PARD6G: variants seen among roughly 807,000 people sequenced by gnomAD.
PARD6G encodes the protein par-6 family cell polarity regulator gamma, also known as partitioning defective 6 homolog gamma.
PARD6G carries 7 observed loss-of-function variants against 10.7 expected under a neutral mutation model. The observed-to-expected ratio is 0.66, with a 90% CI of 0.37 to 1.23. PARD6G has a LOEUF of 1.23. Ranked by LOEUF, PARD6G falls within the 50% of genes most tolerant of loss-of-function variation. The pLI is 0.02. For missense variants in PARD6G, 548 were observed against 571.8 expected (o/e 0.96, Z 0.42); for synonymous variants, 287 against 269.4 (o/e 1.07, Z -0.64).
rs1227079883 is a variant in PARD6G at position 80,228,845 on chromosome 18, A to G, written c.72+18432T>C. ...AGATTCCCACAGGAAATGTTCATCA[A>G]AATACTTATAAGGGTGACAAATGGA... is the stretch of plus-strand genomic sequence containing the variant. On this transcript the variant is annotated intron_variant, in intron 1 of 2. Transcript: ENST00000353265. This position sits in a 1 kb window ranked among gnomAD's most constrained non-coding sequence, Gnocchi z 4.6. 1.3e-5 allele frequency among the ~76,000 whole-genome samples: 2 copies of G among 152,260 alleles called. No homozygotes were observed. The highest frequency in any genetic ancestry group is 2.4e-5 in the African/African-American group (1 of 41,468).
At chr18:80,169,720 G>A (rs1397318689) in intron 2 of PARD6G, 3 of 152,160 alleles carry the variant, frequency 2.0e-5, no homozygotes, top group Non-Finnish European at 4.4e-5. Context: ...TCAATGACTC[G>A]GTTTTAGGTC....
rs1307713146 is a variant in PARD6G, at chr18:80,228,025, G to T, written c.72+19252C>A. Among the ~76,000 whole-genome samples the T allele has an allele frequency of 6.6e-6, 1 of 152,144 alleles. No homozygotes were observed. Among genetic ancestry groups the T allele is most frequent in the Admixed American group, 6.5e-5 (1 of 15,284 alleles). On this transcript the variant is annotated intron_variant, in intron 1 of 2. Coordinates refer to ENST00000353265, the MANE Select transcript of PARD6G (RefSeq NM_032510.4). The surrounding 1 kb of genome is among the most constrained non-coding windows in gnomAD (Gnocchi z 4.6). Reference sequence around the variant, plus strand: ...CATTGAACCCGTATTTTCCTGTGCTGGGCTGAACGGTGAAAGAAAAATATG... The same window carrying T: ...CATTGAACCCGTATTTTCCTGTGCTTGGCTGAACGGTGAAAGAAAAATATG...
chr18:80,233,559 G>A (rs531342974), intron 1 of PARD6G, among the ~76,000 whole-genome samples: 1 of 152,210 alleles, frequency 6.6e-6, no homozygotes, highest in South Asian at 2.1e-4. Context: ...AGGACTGTGG[G>A]TGGAAAGCCA....
chr18:80,228,195 C>T lies in PARD6G; in HGVS notation c.72+19082G>A, dbSNP rs1279483353. ...GCCTCTGAGCACAGCTGGAAAAGGG[C>T]CCGACCTGGTGCTCAGGAAGTCACA... is the stretch of plus-strand genomic sequence containing the variant. On this transcript the variant is annotated intron_variant, in intron 1 of 2. Transcript: ENST00000353265. The surrounding 1 kb of genome is among the most constrained non-coding windows in gnomAD (Gnocchi z 4.6). Among the ~76,000 whole-genome samples, 1 of 152,124 alleles carries T rather than the reference C, an allele frequency of 6.6e-6. No homozygotes were observed. Among genetic ancestry groups the T allele is most frequent in the Non-Finnish European group, 1.5e-5 (1 of 68,020 alleles).
At chr18:80,226,151 GTTTTTTTTTTTTTT>G (rs10606939) in intron 1 of PARD6G, among the ~76,000 whole-genome samples, 8 of 76,572 alleles carry the variant, frequency 1.0e-4, no homozygotes, top group Non-Finnish European at 1.7e-4. Flanking sequence ...AATGACTTCA[GTTTTTTTTTTTTTT>G]TTTTTTTTTT....
rs1415935659 is a variant in PARD6G, at chr18:80,159,973, G to A, written c.929C>T (p.Ala310Val). The A allele has an allele frequency of 4.0e-6, 6 of 1,500,532 alleles. No individual in the cohort carries two copies. The East Asian group carries it at 1.4e-4, about 36-fold the overall frequency. 93.0% of individuals were successfully genotyped at this position (1,500,532 alleles called of 1,614,324 possible). ...DVVIEGTLEPARPPQTPGAPA... is the reference protein window; with the variant it reads ...DVVIEGTLEPVRPPQTPGAPA... ...CGCGCCCGGGGTCTGGGGGGGACGT[G>A]CAGGCTCCAGTGTGCCCTCGATGAC... The change falls in exon 3 of 3, where the codon GCA becomes GTA. Residue 310 changes from alanine to valine, a missense_variant. This residue lies in a region of PARD6G where 313 missense variants were observed against 279.9 expected (regional missense o/e 1.12). Transcript: ENST00000353265.
chr18:80,227,334 G>A (rs1268032792), intron 1 of PARD6G, among the ~76,000 whole-genome samples: 4 of 152,194 alleles, frequency 2.6e-5, no homozygotes, highest in Admixed American at 1.3e-4. Flanking sequence ...GACAGGACAA[G>A]GTTTGAGCAC....
rs2052784881 is a variant in PARD6G, at chr18:80,172,660, C to G, written c.296-12054G>C. Among the ~76,000 whole-genome samples, 3 of 152,188 alleles carry G rather than the reference C, an allele frequency of 2.0e-5. No individual in the cohort carries two copies. In the South Asian group the frequency reaches 6.2e-4, roughly 32 times the overall value. ...TCGTTCTCCCAAAGTGCTGGGATTA[C>G]AGACATGCACCACCATGCCCAGCTG... is the stretch of plus-strand genomic sequence containing the variant. On this transcript the variant is annotated intron_variant, in intron 2 of 2. Transcript: ENST00000353265.
Position 80,160,622 on chromosome 18 carries a change from C to T in PARD6G, c.296-16G>A, listed in dbSNP as rs1187852916. ...TCGGCCTCCTCTGCGGGAGAGGGGA[C>T]AGTTAGAGGGGACACACAACCGAGC... On this transcript the variant is annotated splice_polypyrimidine_tract_variant and intron_variant, in intron 2 of 2. Transcript: ENST00000353265. 22 of 1,436,680 alleles carry T rather than the reference C, an allele frequency of 1.5e-5. No individual in the cohort carries two copies. Among genetic ancestry groups the T allele is most frequent in the Non-Finnish European group, 2.0e-5 (22 of 1,100,934 alleles). The allele number at this position is 1,436,680 out of a possible 1,614,324, so 89.0% of individuals were successfully genotyped here.
At position 80,189,624 on chromosome 18, in the gene PARD6G, C is replaced by A. The variant is rs1404128248; in HGVS notation, c.295+13086G>T. Among the ~76,000 whole-genome samples the A allele has an allele frequency of 6.6e-6, 1 of 152,168 alleles. No individual in the cohort carries two copies. The highest frequency in any genetic ancestry group is 6.5e-5 in the Admixed American group (1 of 15,284). On this transcript the variant is annotated intron_variant, in intron 2 of 2. Transcript: ENST00000353265. This position sits in a 1 kb window ranked among gnomAD's most constrained non-coding sequence, Gnocchi z 5.5. ...GGAGCCCACCAGGCCAGGCAGGTCA[C>A]CCTGGCCCCACAGTCCTCCCTGCCT...
rs758521114 is a variant in PARD6G at position 80,160,332 on chromosome 18, C to G, written c.570G>C (p.Val190=). ...CCATGCGCGAGATGAAGATGCCGGG[C>G]ACCTTCTCCAGCCCGTGCGGGGTCA... ...VRVTPHGLEK[V]PGIFISRMVP... is the part of the protein sequence containing the mutation. Residue 190 remains valine, a synonymous_variant, in exon 3 of 3, where the codon GTG becomes GTC. Coordinates refer to ENST00000353265, the MANE Select transcript of PARD6G (RefSeq NM_032510.4). The G allele has an allele frequency of 1.2e-6, 2 of 1,611,920 alleles. No individual in the cohort carries two copies. The highest frequency in any genetic ancestry group is 2.2e-5 in the South Asian group (2 of 91,080).
intron 1 of PARD6G, among the ~76,000 whole-genome samples, chr18:80,238,173 G>A (rs749106041): frequency 3.3e-5 from 5 of 152,160 alleles, no homozygotes; most frequent in African/African-American, 4.8e-5. Flanking sequence ...AAAAAATGAT[G>A]AGTTCGTGTC....
intron 2 of PARD6G, among the ~76,000 whole-genome samples, chr18:80,177,151 T>G (rs1258689651): frequency 1.4e-5 from 1 of 71,716 alleles, no homozygotes; most frequent in Non-Finnish European, 2.5e-5. Context: ...ACAGTATAAA[T>G]CACAGCCTAA....
intron 1 of PARD6G, 194 bp from the exon 2 acceptor site, chr18:80,203,126 A>C: frequency 1.9e-6 from 1 of 529,668 alleles, no homozygotes; most frequent in Non-Finnish European, 3.4e-6. Context: ...GAAGCTACAA[A>C]TGCTTTTAAT....
rs1327829627 is a variant in PARD6G at position 80,158,652 on chromosome 18, A to G, written c.*1119T>C. 1.3e-5 allele frequency: 2 copies of G among 152,274 alleles called. No individual in the cohort carries two copies. The highest frequency in any genetic ancestry group is 3.9e-4 in the East Asian group (2 of 5,176). The allele number at this position is 152,274 out of a possible 1,614,324, so 9.4% of individuals were successfully genotyped here. On this transcript the variant is annotated 3_prime_UTR_variant, in exon 3 of 3. Coordinates refer to ENST00000353265, the MANE Select transcript of PARD6G (RefSeq NM_032510.4). Reference sequence around the variant, plus strand: ...CACCTGAGGTCAGGAGTTCAAGACCAGCCTGACCAACGTGGTGAAATCCCA... The same window carrying G: ...CACCTGAGGTCAGGAGTTCAAGACCGGCCTGACCAACGTGGTGAAATCCCA...
intron 1 of PARD6G, among the ~76,000 whole-genome samples, chr18:80,227,519 G>A (rs908716007): frequency 1.3e-5 from 2 of 152,214 alleles, no homozygotes; most frequent in Non-Finnish European, 2.9e-5. Context: ...ACTTGCACAC[G>A]GGTGACAAGA....
Position 80,247,297 on chromosome 18 carries a change from C to T in PARD6G, c.52G>A (p.Ala18Thr). The T allele has an allele frequency of 6.3e-7, 1 of 1,583,290 alleles. No individual in the cohort carries two copies. Among genetic ancestry groups the T allele is most frequent in the Non-Finnish European group, 8.6e-7 (1 of 1,165,668 alleles). ...CTTACCTTGCTCTTGACTTCCACTG[C>T]GCTGCAATCGTAGAATCGCAAGGTC... Reference protein sequence around the residue: ...SQTLRFYDCSAVEVKSKFGAE... With the variant: ...SQTLRFYDCSTVEVKSKFGAE... Residue 18 changes from alanine (A) to threonine (T), a missense_variant, in exon 1 of 3, where the codon GCA becomes ACA. Physicochemically the swap from Ala to Thr is moderately conservative, Grantham distance 58 (BLOSUM62 0). Coordinates refer to ENST00000353265, the MANE Select transcript of PARD6G (RefSeq NM_032510.4). This position sits in a 1 kb window ranked among gnomAD's most constrained non-coding sequence, Gnocchi z 4.2.
intron 2 of PARD6G, among the ~76,000 whole-genome samples, chr18:80,174,631 A>C (rs2052797035): frequency 6.6e-6 from 1 of 152,198 alleles, no homozygotes; most frequent in Non-Finnish European, 1.5e-5. Context: ...ATAACCTCCC[A>C]AAACCCATGC....
chr18:80,212,483 T>TG (rs1967118939), intron 1 of PARD6G, among the ~76,000 whole-genome samples: 1 of 152,200 alleles, frequency 6.6e-6, no homozygotes, highest in Non-Finnish European at 1.5e-5. Flanking sequence ...TGCATGGTGG[T>TG]GGGAGGTGCT....
Sources: gnomAD v4.1 joint callset for allele counts (sites outside exome capture counted in the v4.1 genomes callset) on GRCh38, gnomAD v4.1.1 for gene constraint, gnomAD v4.1.1 regional missense constraint, Gnocchi (gnomAD v3.1) non-coding constraint, MANE v1.5 for transcripts, NCBI Gene and HGNC (gene_info 2026-07-23, HGNC 2026-07-21) for gene names.